FREM3: variants seen among roughly 807,000 people sequenced by gnomAD.
The protein encoded by FREM3 is FRAS1 related extracellular matrix 3, also known as FRAS1-related extracellular matrix protein 3.
FREM3 carries 105 observed loss-of-function variants against 129.1 expected under a neutral mutation model. The ratio of observed to expected loss-of-function variants is 0.81; its 90% confidence interval spans 0.69 to 0.96. The LOEUF is 0.96. FREM3 is among the 40% of genes least tolerant of loss of function. The pLI is 0.00. For missense variants in FREM3, 2,593 were observed against 2,666.3 expected (o/e 0.97, Z 0.61); for synonymous variants, 1,014 against 1,044.9 (o/e 0.97, Z 0.57).
chr4:143,629,952 C>G (rs113964646), intron 2 of FREM3, among the ~76,000 whole-genome samples: 2 of 152,216 alleles, frequency 1.3e-5, no homozygotes, highest in African/African-American at 4.8e-5. Context: ...AGATCAGACC[C>G]TCTGAATAAA....
At chr4:143,693,262 A>T (rs1300044550) in intron 1 of FREM3, 60 bp from the exon 2 acceptor site, 19 of 784,184 alleles carry the variant, frequency 2.4e-5, no homozygotes, top group Non-Finnish European at 3.9e-6. Flanking sequence ...TGAGTATGTT[A>T]ACAACTTCAA....
Position 143,698,100 on chromosome 4 carries a change from G to A in FREM3, c.2576C>T (p.Thr859Ile), listed in dbSNP as rs930740440. ...SNELHVTDPD[T>I]DIDQIVFILV... ...TATGAAGACAATTTGGTCAATGTCT[G>A]TGTCTGGGTCTGTAACATGCAGCTC... The change falls in exon 1 of 8, where the codon ACA becomes ATA. Residue 859 changes from threonine to isoleucine, a missense_variant. Around this residue, in one of 2 missense-constraint regions of FREM3, gnomAD observed 2,276 missense variants for 2,267.2 expected, o/e 1.00. Transcript: ENST00000329798. 12 of 1,537,308 alleles carry A rather than the reference G, an allele frequency of 7.8e-6. No individual in the cohort carries two copies. The Admixed American group carries it at 7.8e-5, about 10-fold the overall frequency.
intron 2 of FREM3, among the ~76,000 whole-genome samples, chr4:143,631,377 T>C (rs1423154130): frequency 2.0e-5 from 3 of 152,024 alleles, no homozygotes; most frequent in Non-Finnish European, 4.4e-5. Flanking sequence ...AGAGTCTTGC[T>C]TTGTCACCTA....
intron 2 of FREM3, among the ~76,000 whole-genome samples, chr4:143,689,088 C>A (rs1228295416): frequency 6.6e-6 from 1 of 152,124 alleles, no homozygotes; most frequent in Non-Finnish European, 1.5e-5. Context: ...AGAAAACAGA[C>A]AACCCACAGA....
chr4:143,659,908 G>C (rs1277556692), intron 2 of FREM3, among the ~76,000 whole-genome samples: 2 of 151,688 alleles, frequency 1.3e-5, no homozygotes, highest in Non-Finnish European at 2.9e-5. Flanking sequence ...ACATGTCCTT[G>C]GCCCACTTTT....
In FREM3 at chr4:143,611,425, T is replaced by TGTGTCTCATTCTTGTCAAA; in HGVS notation, c.5863_5881dup (p.Gln1961LeufsTer2). The TGTGTCTCATTCTTGTCAAA allele has an allele frequency of 6.5e-7, 1 of 1,537,224 alleles. No homozygotes were observed. The highest frequency in any genetic ancestry group is 1.2e-5 in the South Asian group (1 of 84,062). The stretch of plus-strand genomic sequence containing the variant: ...AATGATCAGGACCTGGCAGGTCTTC[T>TGTGTCTCATTCTTGTCAAA]GTGTCTCATTCTTGTCAAAGTGGAG... On this transcript the variant is annotated stop_gained and frameshift_variant, in exon 6 of 8. Transcript: ENST00000329798. LOFTEE classifies it high-confidence loss of function.
chr4:143,645,425 A>G (rs1739397342), intron 2 of FREM3, among the ~76,000 whole-genome samples: 1 of 152,188 alleles, frequency 6.6e-6, no homozygotes, highest in Non-Finnish European at 1.5e-5. Context: ...CTGTGACAGT[A>G]TTTGTGTATG....
At position 143,698,310 on chromosome 4, in the gene FREM3, G is replaced by A; in HGVS notation, c.2366C>T (p.Pro789Leu). The A allele has an allele frequency of 6.5e-7, 1 of 1,537,748 alleles. No individual in the cohort carries two copies. ...QVNQHKVAYQPPQKLGIAPRV... is the reference protein window; with the variant it reads ...QVNQHKVAYQLPQKLGIAPRV... ...TGGTGCAATACCCAATTTCTGTGGA[G>A]GCTGGTAGGCAACTTTATGCTGATT... Residue 789 changes from proline to leucine, a missense_variant, in exon 1 of 8, where the codon CCT becomes CTT. Physicochemically the swap from Pro to Leu is moderately conservative, Grantham distance 98. Coordinates refer to ENST00000329798, the MANE Select transcript of FREM3 (RefSeq NM_001168235.2).
At chr4:143,677,623 A>G (rs1232559368) in intron 2 of FREM3, among the ~76,000 whole-genome samples, 2 of 152,222 alleles carry the variant, frequency 1.3e-5, no homozygotes, top group Non-Finnish European at 2.9e-5. Flanking sequence ...AGAATGGGAG[A>G]AAAATTTTGC....
intron 4 of FREM3, among the ~76,000 whole-genome samples, 174 bp from the exon 5 acceptor site, chr4:143,621,336 G>A (rs1301754644): frequency 1.3e-5 from 2 of 152,172 alleles, no homozygotes; most frequent in Non-Finnish European, 2.9e-5. Context: ...GAGCTGGAGA[G>A]GCATTGGAAT....
intron 2 of FREM3, among the ~76,000 whole-genome samples, chr4:143,677,074 CGCATTGCCAAG>C (rs1255897776): frequency 6.6e-6 from 1 of 152,118 alleles, no homozygotes; most frequent in Non-Finnish European, 1.5e-5. Flanking sequence ...AAAAAGAGCC[CGCATTGCCAAG>C]TCAATCCTAA....
At chr4:143,578,888 A>G (rs1446573178) in intron 7 of FREM3, among the ~76,000 whole-genome samples, 2 of 152,332 alleles carry the variant, frequency 1.3e-5, no homozygotes, top group Middle Eastern at 3.4e-3. Flanking sequence ...TTTGCTGTAA[A>G]GAATGATTTG....
At chr4:143,597,313 C>T (rs551390969) in intron 6 of FREM3, among the ~76,000 whole-genome samples, 1 of 152,080 alleles carries the variant, frequency 6.6e-6, no homozygotes, top group Non-Finnish European at 1.5e-5. Context: ...TGGACGTCAA[C>T]GGCAAAAACC....
At chr4:143,662,595 A>C (rs1402815134) in intron 2 of FREM3, among the ~76,000 whole-genome samples, 2 of 151,278 alleles carry the variant, frequency 1.3e-5, no homozygotes, top group Non-Finnish European at 1.5e-5. Context: ...GATGTCTATT[A>C]GGTCCGCTTG....
At chr4:143,620,735 A>G (rs191616268) in intron 5 of FREM3, among the ~76,000 whole-genome samples, 118 of 152,342 alleles carry the variant, frequency 7.7e-4, no homozygotes, top group Middle Eastern at 3.4e-3. Context: ...TTGACACAAG[A>G]TGTCTCATTT....
chr4:143,628,613 G>A (rs1480651430), intron 2 of FREM3, among the ~76,000 whole-genome samples: 1 of 152,162 alleles, frequency 6.6e-6, no homozygotes, highest in Admixed American at 6.5e-5. Flanking sequence ...CACAGTTACT[G>A]GACCCCTTAA....
intron 2 of FREM3, among the ~76,000 whole-genome samples, chr4:143,638,441 T>C (rs1438223375): frequency 6.6e-6 from 1 of 152,044 alleles, no homozygotes; most frequent in Non-Finnish European, 1.5e-5. Flanking sequence ...AGGAGGAGGT[T>C]GAAACAAACT....
intron 2 of FREM3, among the ~76,000 whole-genome samples, chr4:143,654,351 G>A (rs1034135377): frequency 6.6e-6 from 1 of 152,130 alleles, no homozygotes; most frequent in Non-Finnish European, 1.5e-5. Context: ...TGATCTGCCC[G>A]CCTTGGCCTC....
In FREM3 at chr4:143,696,878, A is replaced by G; in HGVS notation, c.3798T>C (p.Ile1266=). The G allele has an allele frequency of 1.3e-6, 2 of 1,537,514 alleles. No homozygotes were observed. The highest frequency in any genetic ancestry group is 1.7e-6 in the Non-Finnish European group (2 of 1,147,000). Reference sequence around the variant, plus strand: ...TCTCTGAGTCATCATGCTCATACACAATGGTGGAGGCCTCCTGGATCTCCT... The same window carrying G: ...TCTCTGAGTCATCATGCTCATACACGATGGTGGAGGCCTCCTGGATCTCCT... ...TLKEIQEAST[I]VYEHDDSETK... is the part of the protein sequence containing the mutation. Residue 1266 remains isoleucine (I), a synonymous_variant, in exon 1 of 8, where the codon ATT becomes ATC. Coordinates refer to ENST00000329798, the MANE Select transcript of FREM3 (RefSeq NM_001168235.2).
Sources: allele counts gnomAD v4.1 joint callset (sites outside exome capture counted in the v4.1 genomes callset), GRCh38; gene constraint gnomAD v4.1.1; regional missense constraint gnomAD v4.1.1; transcripts MANE v1.5; gene names NCBI Gene and HGNC (gene_info 2026-07-23, HGNC 2026-07-21).